The following APCDD1L variants were observed in gnomAD, a reference collection of about 807,000 sequenced individuals.
APCDD1L encodes the protein protein APCDD1-like.
A neutral mutation model predicts 24.2 loss-of-function variants in APCDD1L; 21 were observed. That is an observed-to-expected ratio of 0.87 (90% CI 0.61 to 1.25). APCDD1L has a LOEUF of 1.25. Ranked by LOEUF, APCDD1L falls within the 50% of genes most tolerant of loss-of-function variation. The pLI is 0.00. For missense variants in APCDD1L, 704 were observed against 711.7 expected, an observed-to-expected ratio of 0.99 and a Z score of 0.12; for synonymous variants, 321 against 323.6, an observed-to-expected ratio of 0.99 and a Z score of 0.09.
At chr20:58,513,306 G>A (rs1990667175) in intron 1 of APCDD1L, among the ~76,000 whole-genome samples, 2 of 152,196 alleles carry the variant, frequency 1.3e-5, no homozygotes, top group African/African-American at 2.4e-5. Flanking sequence ...AGAACCAGCA[G>A]GGGTGAGGTG....
At chr20:58,503,536 G>T (rs141604481) in intron 1 of APCDD1L, among the ~76,000 whole-genome samples, 1 of 152,142 alleles carries the variant, frequency 6.6e-6, no homozygotes, top group African/African-American at 2.4e-5. Flanking sequence ...CAGCCATGTC[G>T]TGCTCTCCTG....
At chr20:58,511,839 T>A (rs1467608184) in intron 1 of APCDD1L, among the ~76,000 whole-genome samples, 1 of 152,104 alleles carries the variant, frequency 6.6e-6, no homozygotes. Context: ...TTAATCTGAC[T>A]GTAAATGATA....
At position 58,515,353 on chromosome 20, in the gene APCDD1L, G is replaced by T. The variant is rs1990724240; in HGVS notation, c.-646C>A. The T allele has an allele frequency of 3.0e-6, 1 of 334,036 alleles. No individual in the cohort carries two copies. The highest frequency in any genetic ancestry group is 4.6e-5 in the East Asian group (1 of 21,900). 20.7% of individuals were successfully genotyped at this position (334,036 alleles called of 1,614,324 possible). On this transcript the variant is annotated 5_prime_UTR_variant, in exon 1 of 4. Coordinates refer to ENST00000371149, the MANE Select transcript of APCDD1L (RefSeq NM_153360.3). ...GCCCCGGCCTCTGTCTGTAAATGAG[G>T]CCGTCACCCGCTCCCCACCACACCC...
chr20:58,477,633 G>T (rs1989935278), intron 1 of APCDD1L, among the ~76,000 whole-genome samples: 1 of 152,160 alleles, frequency 6.6e-6, no homozygotes, highest in Admixed American at 6.5e-5. Context: ...ACCTTATGGG[G>T]ATATACTCAG....
chr20:58,483,366 G>T (rs1176172345), intron 1 of APCDD1L, among the ~76,000 whole-genome samples: 1 of 149,830 alleles, frequency 6.7e-6, no homozygotes, highest in Admixed American at 6.7e-5. Flanking sequence ...TCAGGTGTAT[G>T]CTTTGAAAAG....
chr20:58,474,761 A>T (rs1989875881), intron 1 of APCDD1L, among the ~76,000 whole-genome samples: 1 of 152,152 alleles, frequency 6.6e-6, no homozygotes, highest in Non-Finnish European at 1.5e-5. Context: ...AACCATTTTA[A>T]AGTGAACAAT....
chr20:58,507,190 G>A (rs1206127806), intron 1 of APCDD1L, among the ~76,000 whole-genome samples: 3 of 152,292 alleles, frequency 2.0e-5, no homozygotes, highest in Admixed American at 1.3e-4. Flanking sequence ...CCCTGCACAA[G>A]TTCTCTCTCT....
intron 1 of APCDD1L, among the ~76,000 whole-genome samples, chr20:58,477,332 C>G (rs1449072628): frequency 6.6e-6 from 1 of 152,218 alleles, no homozygotes; most frequent in Non-Finnish European, 1.5e-5. Flanking sequence ...GACATATCTT[C>G]TCTTTTTGTC....
rs1244290846 is a variant in APCDD1L, at chr20:58,467,076, C to A, written c.741+30G>T. 4.5e-6 allele frequency: 7 copies of A among 1,563,262 alleles called. No homozygotes were observed. The highest frequency in any genetic ancestry group is 1.4e-5 in the African/African-American group (1 of 71,940). ...CTCGCCTCCCCGAGACCACCACCCC[C>A]CTCTCCCACACCCCAACACACACAC... On this transcript the variant is annotated intron_variant, in intron 3 of 3. Transcript: ENST00000371149. This position sits in a 1 kb window ranked among gnomAD's most constrained non-coding sequence, Gnocchi z 5.9.
At chr20:58,473,246 C>G (rs571833624) in intron 1 of APCDD1L, among the ~76,000 whole-genome samples, 81 of 151,094 alleles carry the variant, frequency 5.4e-4, no homozygotes, top group Non-Finnish European at 8.9e-4. Context: ...CTTTTTTTTT[C>G]CCCCTGCACC....
chr20:58,463,062 A>C (rs1989641426), intron 3 of APCDD1L, among the ~76,000 whole-genome samples: 1 of 149,648 alleles, frequency 6.7e-6, no homozygotes, highest in African/African-American at 2.5e-5. Flanking sequence ...CAATTGCTTG[A>C]ATCAGGGAGG....
Position 58,461,158 on chromosome 20 carries a change from C to T in APCDD1L, c.1138G>A (p.Gly380Arg), listed in dbSNP as rs373064484. 6.2e-7 allele frequency: 1 copy of T among 1,612,934 alleles called. No homozygotes were observed. The highest frequency in any genetic ancestry group is 8.5e-7 in the Non-Finnish European group (1 of 1,179,432). The change falls in exon 4 of 4, where the codon GGG becomes AGG. Residue 380 changes from glycine (G) to arginine (R), a missense_variant. Coordinates refer to ENST00000371149, the MANE Select transcript of APCDD1L (RefSeq NM_153360.3). The surrounding 1 kb of genome is among the most constrained non-coding windows in gnomAD (Gnocchi z 6.0). ...CCCATGGACCAGGCCCCCGCACCCC[C>T]ACAGCTGCTTGGCTCAGAGAAGTTG... Reference protein sequence around the residue: ...MLNFSEPSSCGGAGAWSMGTE... With the variant: ...MLNFSEPSSCRGAGAWSMGTE...
chr20:58,483,906 G>A (rs921528631), intron 1 of APCDD1L, among the ~76,000 whole-genome samples: 3 of 152,224 alleles, frequency 2.0e-5, no homozygotes, highest in African/African-American at 7.2e-5. Flanking sequence ...CCTCTGGAGA[G>A]GCAGAGTCCC....
intron 1 of APCDD1L, among the ~76,000 whole-genome samples, chr20:58,471,310 G>A (rs1314867426): frequency 6.6e-6 from 1 of 152,240 alleles, no homozygotes; most frequent in Non-Finnish European, 1.5e-5. Flanking sequence ...GGTCTCACCT[G>A]GTGCTGGGCA....
chr20:58,495,180 T>C (rs1990297857), intron 1 of APCDD1L, among the ~76,000 whole-genome samples: 2 of 152,354 alleles, frequency 1.3e-5, no homozygotes, highest in South Asian at 4.1e-4. Flanking sequence ...GTGTCGTACC[T>C]GCCAGAGTCA....
chr20:58,483,937 G>T (rs909944851), intron 1 of APCDD1L, among the ~76,000 whole-genome samples: 1 of 152,228 alleles, frequency 6.6e-6, no homozygotes, highest in Non-Finnish European at 1.5e-5. Flanking sequence ...GCTCTAGGGA[G>T]AAGGCTGAGG....
At chr20:58,463,907 C>G (rs1396014409) in intron 3 of APCDD1L, among the ~76,000 whole-genome samples, 316 of 51,000 alleles carry the variant, frequency 6.2e-3, no homozygotes, top group South Asian at 8.7e-3. Context: ...GGGGGGGGGG[C>G]GTCACATTTT....
intron 3 of APCDD1L, among the ~76,000 whole-genome samples, chr20:58,465,231 G>C (rs1346831663): frequency 6.6e-6 from 1 of 152,114 alleles, no homozygotes; most frequent in Non-Finnish European, 1.5e-5. Flanking sequence ...GCCAAAAAGG[G>C]AATAATTTTG....
chr20:58,471,568 G>T (rs1989812858), intron 1 of APCDD1L, among the ~76,000 whole-genome samples: 1 of 152,240 alleles, frequency 6.6e-6, no homozygotes, highest in African/African-American at 2.4e-5. Flanking sequence ...GATGAGCTTG[G>T]CTGGGCCTGG....
Sources: allele counts gnomAD v4.1 joint callset (sites outside exome capture counted in the v4.1 genomes callset), GRCh38; gene constraint gnomAD v4.1.1; non-coding constraint Gnocchi (gnomAD v3.1); transcripts MANE v1.5; gene names NCBI Gene and HGNC (gene_info 2026-07-23, HGNC 2026-07-21).